SLC22A16: variants seen among roughly 807,000 people sequenced by gnomAD.
The protein encoded by SLC22A16 is solute carrier family 22 member 16, also known as WUGSC:RG331P03.1.
SLC22A16 carries 53 observed loss-of-function variants against 52.9 expected under a neutral mutation model. That is an observed-to-expected ratio of 1.00 (90% CI 0.80 to 1.26). SLC22A16 has a LOEUF of 1.26. SLC22A16 is among the 50% of genes most tolerant of loss of function. SLC22A16 has a pLI of 0.00. For missense variants in SLC22A16, 726 were observed against 704.0 expected (o/e 1.03, Z -0.35); for synonymous variants, 291 against 268.8 (o/e 1.08, Z -0.81).
chr6:110,432,948 CAGAT>C (rs912879093), intron 6 of SLC22A16, among the ~76,000 whole-genome samples: 36 of 152,348 alleles, frequency 2.4e-4, no homozygotes, highest in African/African-American at 7.9e-4. Context: ...CACTGGGTGA[CAGAT>C]AGGGCCAAAA....
intron 5 of SLC22A16, among the ~76,000 whole-genome samples, chr6:110,436,904 C>G (rs1047695076): frequency 2.0e-5 from 3 of 152,300 alleles, no homozygotes; most frequent in Non-Finnish European, 4.4e-5. Flanking sequence ...CCTCCCCCAT[C>G]TGCCAACTGG....
At chr6:110,436,469 C>T (rs1774733895) in intron 5 of SLC22A16, among the ~76,000 whole-genome samples, 1 of 151,972 alleles carries the variant, frequency 6.6e-6, no homozygotes, top group Non-Finnish European at 1.5e-5. Context: ...TACAGAAAAA[C>T]AAAAAAATTA....
rs775416228 is a variant in SLC22A16, at chr6:110,456,815, C to T, written c.256G>A (p.Val86Ile). ...TCACCATTCTGCAACTGCACCGTAA[C>T]ATAATCTTTCTGGCCTGAAGACAAC... Reference protein sequence around the residue: ...ALLSSGQKDYVTVQLQNGEIW... With the variant: ...ALLSSGQKDYITVQLQNGEIW... The change falls in exon 2 of 8, where the codon GTT (valine) becomes ATT (isoleucine). Residue 86 changes from valine (V) to isoleucine (I), a missense_variant. Transcript: ENST00000368919. 1.9e-6 allele frequency: 3 copies of T among 1,614,200 alleles called. No individual in the cohort carries two copies. The highest frequency in any genetic ancestry group is 2.5e-6 in the Non-Finnish European group (3 of 1,180,030).
At chr6:110,438,620 A>G in intron 5 of SLC22A16, 100 bp downstream of exon 5, 1 of 1,287,576 alleles carries the variant, frequency 7.8e-7, no homozygotes, top group Non-Finnish European at 1.0e-6. Context: ...TGCCCAAATC[A>G]TACTCTGAAT....
At chr6:110,435,639 T>C (rs934863633) in intron 6 of SLC22A16, among the ~76,000 whole-genome samples, 3 of 152,216 alleles carry the variant, frequency 2.0e-5, no homozygotes, top group Non-Finnish European at 4.4e-5. Flanking sequence ...TTTGGAATAA[T>C]AGAGTGTTAT....
In SLC22A16 at chr6:110,463,707, C is replaced by T. The variant is rs146193606; in HGVS notation, c.54-6690G>A. On this transcript the variant is annotated intron_variant, in intron 1 of 7. Coordinates refer to ENST00000368919, the MANE Select transcript of SLC22A16 (RefSeq NM_033125.4). ...TAAAAGAGTGAGGGACTTTCAATAC[C>T]ATACTGACAGCAATAAGCTGTCAAT... Among the ~76,000 whole-genome samples the T allele has an allele frequency of 8.4e-4, 127 of 151,684 alleles. 1 individual carries two copies. Among genetic ancestry groups the T allele is most frequent in the African/African-American group, 3.0e-3 (126 of 41,450 alleles).
At chr6:110,476,285 C>G (rs1293785809) in intron 1 of SLC22A16, 1 of 1,298,668 alleles carries the variant, frequency 7.7e-7, no homozygotes, top group Admixed American at 3.2e-5. Flanking sequence ...GCAACAGGCG[C>G]ACTCCGAGCG....
chr6:110,475,818 A>T (rs1054001543), intron 1 of SLC22A16: 3 of 421,276 alleles, frequency 7.1e-6, no homozygotes, highest in African/African-American at 4.2e-5. Flanking sequence ...TAAATTTTTT[A>T]AATCAATTTG....
intron 3 of SLC22A16, among the ~76,000 whole-genome samples, chr6:110,443,740 G>A (rs983791509): frequency 6.6e-6 from 1 of 152,172 alleles, no homozygotes; most frequent in East Asian, 1.9e-4. Flanking sequence ...CCTGCTCATA[G>A]CATTATTCAC....
chr6:110,462,519 G>A (rs944619174), intron 1 of SLC22A16, among the ~76,000 whole-genome samples: 2 of 152,024 alleles, frequency 1.3e-5, no homozygotes, highest in African/African-American at 2.4e-5. Flanking sequence ...AGACCAAGCA[G>A]AAAAGATAAT....
intron 1 of SLC22A16, among the ~76,000 whole-genome samples, chr6:110,470,629 C>A (rs1435108036): frequency 1.3e-5 from 2 of 152,118 alleles, no homozygotes; most frequent in Non-Finnish European, 2.9e-5. Flanking sequence ...ACCACATCAC[C>A]AGAACTATTC....
chr6:110,426,690 C>T (rs1341879216), intron 7 of SLC22A16, among the ~76,000 whole-genome samples: 6 of 152,200 alleles, frequency 3.9e-5, no homozygotes, highest in Non-Finnish European at 7.3e-5. Flanking sequence ...TGGCTCAAGC[C>T]TATAACCCCA....
intron 2 of SLC22A16, among the ~76,000 whole-genome samples, chr6:110,455,151 C>T (rs1243807058): frequency 6.8e-6 from 1 of 147,768 alleles, no homozygotes; most frequent in African/African-American, 2.5e-5. Context: ...GACAAAGGAA[C>T]TAAATTTATT....
chr6:110,475,803 T>A (rs1776445077), intron 1 of SLC22A16: 1 of 410,714 alleles, frequency 2.4e-6, no homozygotes, highest in African/African-American at 2.1e-5. Context: ...AACGAATGAA[T>A]AATTTAAATT....
chr6:110,463,352 A>G (rs1775951827), intron 1 of SLC22A16, among the ~76,000 whole-genome samples: 1 of 151,914 alleles, frequency 6.6e-6, no homozygotes. Flanking sequence ...TTTTTTAAAA[A>G]GACCCAACCA....
chr6:110,457,607 T>C (rs537699836), intron 1 of SLC22A16, among the ~76,000 whole-genome samples: 67 of 152,298 alleles, frequency 4.4e-4, no homozygotes, highest in Non-Finnish European at 8.2e-4. Flanking sequence ...TAGTTTGTAG[T>C]AATTACTCTT....
intron 1 of SLC22A16, among the ~76,000 whole-genome samples, chr6:110,471,080 A>T (rs1158612313): frequency 2.6e-5 from 4 of 152,226 alleles, no homozygotes; most frequent in Non-Finnish European, 5.9e-5. Flanking sequence ...ACACAGGTAG[A>T]GCCACATGCC....
chr6:110,469,746 A>AC (rs1776197130), intron 1 of SLC22A16, among the ~76,000 whole-genome samples: 1 of 143,030 alleles, frequency 7.0e-6, no homozygotes, highest in South Asian at 2.2e-4. Flanking sequence ...CATATGTACT[A>AC]ATTTTTTGTA....
intron 1 of SLC22A16, among the ~76,000 whole-genome samples, chr6:110,473,755 G>A (rs577971141): frequency 1.8e-4 from 28 of 151,764 alleles, no homozygotes; most frequent in African/African-American, 6.0e-4. Context: ...TCGAGCTCCC[G>A]ACCTCGTGAT....
Sources: gnomAD v4.1 joint callset for allele counts (sites outside exome capture counted in the v4.1 genomes callset) on GRCh38, gnomAD v4.1.1 for gene constraint, MANE v1.5 for transcripts, NCBI Gene and HGNC (gene_info 2026-07-23, HGNC 2026-07-21) for gene names.